ATP8B2: variants seen among roughly 807,000 people sequenced by gnomAD.
The protein encoded by ATP8B2 is ATPase phospholipid transporting 8B2, also known as phospholipid-transporting ATPase ID.
A neutral mutation model predicts 133.4 loss-of-function variants in ATP8B2; 70 were observed. That is an observed-to-expected ratio of 0.52 (90% CI 0.43 to 0.64). The LOEUF is 0.64. Ranked by LOEUF, ATP8B2 falls within the 30% of genes least tolerant of loss-of-function variation. The pLI is 0.00. For synonymous variants in ATP8B2, 517 were observed against 589.5 expected, an observed-to-expected ratio of 0.88 and a Z score of 1.78; for missense variants, 1,101 against 1,535.7, an observed-to-expected ratio of 0.72 and a Z score of 4.73.
At position 154,343,919 on chromosome 1, in the gene ATP8B2, C is replaced by T; in HGVS notation, c.1785C>T (p.Thr595=). ...AGTACGCAGGGGAAGGGCTGAGGACCCTGGTGCTGGCCTACAAGGATCTGG... is the reference window on the plus strand; with the variant it reads ...AGTACGCAGGGGAAGGGCTGAGGACTCTGGTGCTGGCCTACAAGGATCTGG... ...LNEYAGEGLR[T]LVLAYKDLDE... The change falls in exon 18 of 28, where the codon ACC becomes ACT. Residue 595 remains threonine, a synonymous_variant. Coordinates refer to ENST00000368489, the MANE Select transcript of ATP8B2 (RefSeq NM_001370597.1). The surrounding 1 kb of genome is among the most constrained non-coding windows in gnomAD (Gnocchi z 5.8). The T allele has an allele frequency of 6.2e-7, 1 of 1,613,198 alleles. No homozygotes were observed. Among genetic ancestry groups the T allele is most frequent in the Non-Finnish European group, 8.5e-7 (1 of 1,179,590 alleles).
rs1283364561 is a variant in ATP8B2 at position 154,331,935 on chromosome 1, C to T, written c.439-19C>T. The T allele has an allele frequency of 5.0e-6, 8 of 1,610,224 alleles. No individual in the cohort carries two copies. The highest frequency in any genetic ancestry group is 2.2e-5 in the South Asian group (2 of 90,968). On this transcript the variant is annotated intron_variant, in intron 7 of 27. Transcript: ENST00000368489. The surrounding 1 kb of genome is among the most constrained non-coding windows in gnomAD (Gnocchi z 4.8). ...TGGAGGTTTGCATATTTGGACTTCT[C>T]ATTAGTTTTTCTCTCTAGGCGGATC...
chr1:154,332,557 G>A (rs957420256), intron 8 of ATP8B2, 61 bp from the exon 9 acceptor site: 4 of 1,365,236 alleles, frequency 2.9e-6, no homozygotes, highest in South Asian at 2.5e-5. Context: ...GACCCCATCT[G>A]TGAAAAAAAA....
Position 154,334,274 on chromosome 1 carries a change from C to G in ATP8B2, c.748+9C>G, listed in dbSNP as rs1282754447. 4.3e-6 allele frequency: 7 copies of G among 1,613,074 alleles called. No homozygotes were observed. In the East Asian group the frequency reaches 6.7e-5, roughly 15 times the overall value. On this transcript the variant is annotated intron_variant, in intron 10 of 27. Transcript: ENST00000368489. This position sits in a 1 kb window ranked among gnomAD's most constrained non-coding sequence, Gnocchi z 4.6. Reference sequence around the variant, plus strand: ...GCTGGTCATCTTTGCAGGTGAGCCTCCTAGCATCCAAAGAAAGAAGGGTAA... The same window carrying G: ...GCTGGTCATCTTTGCAGGTGAGCCTGCTAGCATCCAAAGAAAGAAGGGTAA...
Position 154,334,483 on chromosome 1 carries a change from C to A in ATP8B2, c.749-20C>A, listed in dbSNP as rs1686108294. 5.0e-6 allele frequency: 8 copies of A among 1,612,780 alleles called. No homozygotes were observed. The highest frequency in any genetic ancestry group is 5.9e-6 in the Non-Finnish European group (7 of 1,179,024). ...CAGATGTGTTATTTGGCTTTCCCAGCCCTTCCCATTCTTTTCCAGGTCCCG... is the reference window on the plus strand; with the variant it reads ...CAGATGTGTTATTTGGCTTTCCCAGACCTTCCCATTCTTTTCCAGGTCCCG... On this transcript the variant is annotated intron_variant, in intron 10 of 27. Transcript: ENST00000368489. This position sits in a 1 kb window ranked among gnomAD's most constrained non-coding sequence, Gnocchi z 4.6.
chr1:154,337,825 C>A, intron 12 of ATP8B2: 1 of 1,209,232 alleles, frequency 8.3e-7, no homozygotes, highest in Non-Finnish European at 1.1e-6. Flanking sequence ...GGTGCCATCA[C>A]AAATAAAAGA....
chr1:154,335,101 C>T (rs892735417), intron 11 of ATP8B2, among the ~76,000 whole-genome samples: 2 of 152,154 alleles, frequency 1.3e-5, no homozygotes, highest in African/African-American at 2.4e-5. Context: ...TCCTGTGCCC[C>T]GACTGTCTGC....
chr1:154,341,470 C>T (rs184604790), intron 13 of ATP8B2: 153 of 286,570 alleles, frequency 5.3e-4, no homozygotes, highest in African/African-American at 3.1e-3. Flanking sequence ...CCAGCCTGGG[C>T]GACAGAATGA....
Position 154,343,497 on chromosome 1 carries a change from G to A in ATP8B2, c.1687G>A (p.Asp563Asn), listed in dbSNP as rs1686455913. Residue 563 changes from aspartate (D) to asparagine (N), a missense_variant, in exon 17 of 28, where the codon GAC (aspartate) becomes AAC (asparagine). By Grantham distance (23) the Asp-to-Asn change is conservative. Coordinates refer to ENST00000368489, the MANE Select transcript of ATP8B2 (RefSeq NM_001370597.1). The surrounding 1 kb of genome is among the most constrained non-coding windows in gnomAD (Gnocchi z 5.8). ...GKIRLYCKGA[D>N]TILLDRLHHS... ...GATCCGACTCTACTGCAAAGGGGCT[G>A]ACACTATCCTACTGGACAGACTGCA... 6.2e-7 allele frequency: 1 copy of A among 1,613,984 alleles called. No individual in the cohort carries two copies. The highest frequency in any genetic ancestry group is 1.3e-5 in the African/African-American group (1 of 74,896).
chr1:154,341,292 C>T (rs1369070306), intron 13 of ATP8B2: 1 of 600,982 alleles, frequency 1.7e-6, no homozygotes, highest in East Asian at 2.9e-5. Context: ...CGAGACCAGC[C>T]TGGGCAACAT....
At position 154,340,850 on chromosome 1, in the gene ATP8B2, G is replaced by C; in HGVS notation, c.1035-4G>C. 6.2e-7 allele frequency: 1 copy of C among 1,614,124 alleles called. No individual in the cohort carries two copies. The highest frequency in any genetic ancestry group is 1.1e-5 in the South Asian group (1 of 91,084). ...CCAAGCCTCACCTCTTGTCCCCTGTGCAGTGTGGAGGTCATCCGTCTGGGC... is the reference window on the plus strand; with the variant it reads ...CCAAGCCTCACCTCTTGTCCCCTGTCCAGTGTGGAGGTCATCCGTCTGGGC... On this transcript the variant is annotated splice_region_variant and splice_polypyrimidine_tract_variant and intron_variant, in intron 12 of 27. Coordinates refer to ENST00000368489, the MANE Select transcript of ATP8B2 (RefSeq NM_001370597.1). The surrounding 1 kb of genome is among the most constrained non-coding windows in gnomAD (Gnocchi z 4.0).
Position 154,334,115 on chromosome 1 carries a change from A to T in ATP8B2, c.598A>T (p.Ile200Phe). 1.2e-6 allele frequency: 2 copies of T among 1,614,096 alleles called. No homozygotes were observed. Among genetic ancestry groups the T allele is most frequent in the Non-Finnish European group, 1.7e-6 (2 of 1,179,980 alleles). The change falls in exon 10 of 28, where the codon ATC becomes TTC. Residue 200 changes from isoleucine (I) to phenylalanine (F), a missense_variant. Physicochemically the swap from Ile to Phe is conservative, Grantham distance 21. Transcript: ENST00000368489. This position sits in a 1 kb window ranked among gnomAD's most constrained non-coding sequence, Gnocchi z 4.6. Reference sequence around the variant, plus strand: ...TCTTGTCTCCTGTTCAGGTGAAGTGATCTGTGAACCTCCCAACAACAAACT... The same window carrying T: ...TCTTGTCTCCTGTTCAGGTGAAGTGTTCTGTGAACCTCCCAACAACAAACT... The part of the protein sequence containing the change: ...SKLAKFDGEV[I>F]CEPPNNKLDK...
At chr1:154,339,140 A>G (rs1686292913) in intron 12 of ATP8B2, among the ~76,000 whole-genome samples, 1 of 152,242 alleles carries the variant, frequency 6.6e-6, no homozygotes, top group Non-Finnish European at 1.5e-5. Flanking sequence ...AATAGCCCTC[A>G]ACTCTCTCCC....
rs377129850 is a variant in ATP8B2, at chr1:154,348,537, C to T, written c.3293C>T (p.Thr1098Met). 1.5e-5 allele frequency: 25 copies of T among 1,613,474 alleles called. No individual in the cohort carries two copies. The highest frequency in any genetic ancestry group is 6.7e-5 in the African/African-American group (5 of 75,068). Residue 1098 changes from threonine to methionine, a missense_variant and splice_region_variant, in exon 27 of 28, where the codon ACG (threonine) becomes ATG (methionine). Thr to Met is a moderately conservative substitution (Grantham distance 81). Coordinates refer to ENST00000368489, the MANE Select transcript of ATP8B2 (RefSeq NM_001370597.1). ...AACCTGAAGCCGGATCTCTCCGACACGGTGAGAAGCCAGGCTACCTGCTGT... is the reference window on the plus strand; with the variant it reads ...AACCTGAAGCCGGATCTCTCCGACATGGTGAGAAGCCAGGCTACCTGCTGT... Reference protein sequence around the residue: ...RLNLKPDLSDTVRYTQLVRKK... With the variant: ...RLNLKPDLSDMVRYTQLVRKK...
In ATP8B2 at chr1:154,334,538, A is replaced by G; in HGVS notation, c.784A>G (p.Thr262Ala). The change falls in exon 11 of 28, where the codon ACA becomes GCA. Residue 262 changes from threonine (T) to alanine (A), a missense_variant. Coordinates refer to ENST00000368489, the MANE Select transcript of ATP8B2 (RefSeq NM_001370597.1). The surrounding 1 kb of genome is among the most constrained non-coding windows in gnomAD (Gnocchi z 4.6). ...TAAGCTGATGCAAAACAGCGGCAGA[A>G]CAAAGTTCAAAAGAACGAGTATCGA... ...DTKLMQNSGRTKFKRTSIDRL... is the reference protein window; with the variant it reads ...DTKLMQNSGRAKFKRTSIDRL... 1 of 1,614,096 alleles carries G rather than the reference A, an allele frequency of 6.2e-7. No homozygotes were observed. Among genetic ancestry groups the G allele is most frequent in the South Asian group, 1.1e-5 (1 of 91,070 alleles).
rs140177109 is a variant in ATP8B2, at chr1:154,348,581, G to A, written c.3294+43G>A. The A allele has an allele frequency of 3.2e-4, 516 of 1,605,318 alleles. 2 individuals carry two copies. In the African/African-American group the frequency reaches 6.0e-3, roughly 19 times the overall value. On this transcript the variant is annotated intron_variant, in intron 27 of 27. Transcript: ENST00000368489. ...CTGCTGTGGGAGGCAGAGATGGGGT[G>A]GCTGGAAAGGCCTCATGTGAACACT...
intron 11 of ATP8B2, among the ~76,000 whole-genome samples, chr1:154,336,884 T>C (rs370620196): frequency 1.3e-5 from 2 of 148,306 alleles, no homozygotes; most frequent in African/African-American, 5.0e-5. Context: ...AATGTCTGCC[T>C]CCCGGGTTCA....
At chr1:154,329,076 G>A in intron 2 of ATP8B2, 1 of 1,298,918 alleles carries the variant, frequency 7.7e-7, no homozygotes, top group Non-Finnish European at 1.0e-6. Context: ...TGGGGGACAG[G>A]TAACGGGAGG....
Position 154,330,447 on chromosome 1 carries a change from A to G in ATP8B2, c.83A>G (p.Gln28Arg). ...GACCGAGAATACAATGAGAAATTCC[A>G]GTATGCGGTAAGCGACTCTAGACCA... ...ANDREYNEKF[Q>R]YASNCIKTSK... Residue 28 changes from glutamine (Q) to arginine (R), a missense_variant, in exon 3 of 28, where the codon CAG (glutamine) becomes CGG (arginine). Transcript: ENST00000368489. 1.3e-6 allele frequency: 2 copies of G among 1,554,342 alleles called. No individual in the cohort carries two copies. The highest frequency in any genetic ancestry group is 1.8e-6 in the Non-Finnish European group (2 of 1,132,642).
intron 12 of ATP8B2, chr1:154,337,969 GA>G (rs2149167872): frequency 3.2e-6 from 1 of 311,526 alleles, no homozygotes; most frequent in Non-Finnish European, 5.8e-6. Context: ...GAAGCTTGGG[GA>G]TACAGAGATG....
Sources: allele counts gnomAD v4.1 joint callset (sites outside exome capture counted in the v4.1 genomes callset), GRCh38; gene constraint gnomAD v4.1.1; non-coding constraint Gnocchi (gnomAD v3.1); transcripts MANE v1.5; gene names NCBI Gene and HGNC (gene_info 2026-07-23, HGNC 2026-07-21).